The following EPN2 variants were observed in gnomAD, a reference collection of about 807,000 sequenced individuals.
EPN2 encodes the protein epsin-2.
A neutral mutation model predicts 61.7 loss-of-function variants in EPN2; 34 were observed. That is an observed-to-expected ratio of 0.55 (90% CI 0.42 to 0.73). The LOEUF (loss-of-function observed/expected upper bound fraction) is 0.73, where lower values mean the gene tolerates loss of function less well. Among genes scored for constraint, EPN2 ranks in the 30% least tolerant of loss-of-function variants. EPN2 has a pLI of 0.00. For missense variants in EPN2, 714 were observed against 839.2 expected, an observed-to-expected ratio of 0.85 and a Z score of 1.84; for synonymous variants, 349 against 353.6, an observed-to-expected ratio of 0.99 and a Z score of 0.15.
chr17:19,311,816 A>G (rs1162333477), intron 5 of EPN2, among the ~76,000 whole-genome samples: 4 of 152,262 alleles, frequency 2.6e-5, no homozygotes, highest in East Asian at 3.8e-4. Context: ...TACCTGAGCC[A>G]TAGTCTCCCT....
At chr17:19,329,464 C>T (rs903569587) in intron 8 of EPN2, 97 bp from the exon 9 acceptor site, 6 of 700,084 alleles carry the variant, frequency 8.6e-6, no homozygotes, top group African/African-American at 5.4e-5. Context: ...GGGAGAGGCC[C>T]CTGTTGCCAG....
chr17:19,245,392 AG>A (rs1176385452), intron 1 of EPN2, among the ~76,000 whole-genome samples: 2 of 151,268 alleles, frequency 1.3e-5, no homozygotes, highest in Non-Finnish European at 2.9e-5. Flanking sequence ...CTTTGTTAAA[AG>A]GGGGTCAAAT....
chr17:19,247,466 G>A (rs766163738), intron 1 of EPN2, among the ~76,000 whole-genome samples: 9 of 152,206 alleles, frequency 5.9e-5, no homozygotes, highest in Non-Finnish European at 1.2e-4. Context: ...ATTTGAGCTG[G>A]ACCTTGAAGA....
intron 4 of EPN2, among the ~76,000 whole-genome samples, chr17:19,301,350 C>T (rs952109608): frequency 1.3e-5 from 2 of 152,180 alleles, no homozygotes; most frequent in African/African-American, 2.4e-5. Flanking sequence ...TGTTCTTCAT[C>T]CTACTTTACG....
At chr17:19,243,276 G>T (rs1340595429) in intron 1 of EPN2, among the ~76,000 whole-genome samples, 1 of 150,458 alleles carries the variant, frequency 6.6e-6, no homozygotes, top group East Asian at 1.9e-4. Flanking sequence ...CTGGAGTGCG[G>T]TGGCGCGATC....
chr17:19,258,641 ATT>A (rs1330923346), intron 1 of EPN2, among the ~76,000 whole-genome samples: 13 of 152,192 alleles, frequency 8.5e-5, no homozygotes, highest in African/African-American at 2.9e-4. Flanking sequence ...GCTAACTGTG[ATT>A]TAACCTAGAG....
chr17:19,298,767 C>T (rs955437801), intron 4 of EPN2, among the ~76,000 whole-genome samples: 4 of 152,284 alleles, frequency 2.6e-5, no homozygotes, highest in South Asian at 2.1e-4. Flanking sequence ...GCTTCTCTCC[C>T]GGGTTATTGT....
chr17:19,267,232 G>T (rs1438624848), intron 1 of EPN2, among the ~76,000 whole-genome samples: 2 of 151,902 alleles, frequency 1.3e-5, no homozygotes, highest in African/African-American at 4.8e-5. Flanking sequence ...TGGGAGTGAG[G>T]ACGTGTGTGG....
At chr17:19,290,439 G>T (rs1280229796) in intron 4 of EPN2, among the ~76,000 whole-genome samples, 4 of 152,142 alleles carry the variant, frequency 2.6e-5, no homozygotes, top group African/African-American at 9.7e-5. Context: ...AAGCATTCCT[G>T]AGTCAAGGAA....
chr17:19,287,471 G>A (rs1419894328), intron 4 of EPN2, among the ~76,000 whole-genome samples: 1 of 152,146 alleles, frequency 6.6e-6, no homozygotes, highest in East Asian at 1.9e-4. Flanking sequence ...CCGTCAGAGG[G>A]TAGGGGGCTG....
chr17:19,309,804 T>C, intron 4 of EPN2, 81 bp from the exon 5 acceptor site: 2 of 1,065,636 alleles, frequency 1.9e-6, no homozygotes, highest in East Asian at 2.4e-5. Context: ...GGGAATGGAA[T>C]GTGGTCTGCC....
chr17:19,320,031 G>T (rs1371356047), intron 7 of EPN2, among the ~76,000 whole-genome samples: 1 of 152,276 alleles, frequency 6.6e-6, no homozygotes, highest in Admixed American at 6.5e-5. Context: ...GGGACCTGGG[G>T]CTCGGAGCAG....
Position 19,237,551 on chromosome 17 carries a change from G to T in EPN2, c.-294+20G>T, listed in dbSNP as rs978006905. The T allele has an allele frequency of 6.6e-6, 1 of 152,306 alleles. No individual in the cohort carries two copies. The highest frequency in any genetic ancestry group is 6.5e-5 in the Admixed American group (1 of 15,284). 9.4% of individuals were successfully genotyped at this position (152,306 alleles called of 1,614,324 possible). A position where few individuals can be genotyped will look rare whatever the true frequency, so the allele number is the denominator to read the frequency against. ...GCAGAGGTGAGCCACAGCCCGTGGG[G>T]CTCCAAGGCCAGAGCGAGTCCCCGG... On this transcript the variant is annotated intron_variant, in intron 1 of 10. Transcript: ENST00000314728.
intron 7 of EPN2, among the ~76,000 whole-genome samples, chr17:19,319,806 C>G (rs1906561015): frequency 6.6e-6 from 1 of 152,200 alleles, no homozygotes; most frequent in Non-Finnish European, 1.5e-5. Context: ...TGCCACCACA[C>G]CCAGCTAATT....
intron 7 of EPN2, among the ~76,000 whole-genome samples, chr17:19,325,746 A>C (rs751350016): frequency 2.8e-4 from 43 of 152,356 alleles, no homozygotes; most frequent in African/African-American, 8.9e-4. Context: ...AAGACAAGAA[A>C]AAGACAAAGT....
At chr17:19,277,278 A>G (rs149476580) in intron 1 of EPN2, among the ~76,000 whole-genome samples, 1 of 151,836 alleles carries the variant, frequency 6.6e-6, no homozygotes, top group East Asian at 1.9e-4. Context: ...GCAGGTGCCT[A>G]TAATCCCAGC....
intron 1 of EPN2, among the ~76,000 whole-genome samples, chr17:19,248,618 T>C (rs929038889): frequency 2.6e-5 from 4 of 152,254 alleles, no homozygotes; most frequent in Non-Finnish European, 5.9e-5. Flanking sequence ...TTGTAATATA[T>C]GGTATTTCAG....
chr17:19,302,662 A>C (rs1023748275), intron 4 of EPN2, among the ~76,000 whole-genome samples: 2 of 152,212 alleles, frequency 1.3e-5, no homozygotes, highest in Admixed American at 6.5e-5. Flanking sequence ...TCTATATTAC[A>C]ATGTAATAAT....
At position 19,334,309 on chromosome 17, in the gene EPN2, A is replaced by G. The variant is rs1448265507; in HGVS notation, c.*55A>G. 1 of 1,334,316 alleles carries G rather than the reference A, an allele frequency of 7.5e-7. No individual in the cohort carries two copies. The highest frequency in any genetic ancestry group is 9.8e-7 in the Non-Finnish European group (1 of 1,024,822). The allele number at this position is 1,334,316 out of a possible 1,614,324, so 82.7% of individuals were successfully genotyped here. A position where few individuals can be genotyped will look rare whatever the true frequency, so the allele number is the denominator to read the frequency against. ...CTGTGCTGGAGGATGCCGAGCAGGG[A>G]CTCTCGTCTGTGGGACGGGATCCAA... On this transcript the variant is annotated 3_prime_UTR_variant, in exon 11 of 11. Transcript: ENST00000314728. This position sits in a 1 kb window ranked among gnomAD's most constrained non-coding sequence, Gnocchi z 4.9.
Sources: allele counts gnomAD v4.1 joint callset (sites outside exome capture counted in the v4.1 genomes callset), GRCh38; gene constraint gnomAD v4.1.1; non-coding constraint Gnocchi (gnomAD v3.1); transcripts MANE v1.5; gene names NCBI Gene and HGNC (gene_info 2026-07-23, HGNC 2026-07-21).